The following SULF1 variants were observed in gnomAD, a reference collection of about 807,000 sequenced individuals.
SULF1 encodes the protein extracellular sulfatase Sulf-1.
Under a neutral mutation model 110.5 loss-of-function variants are expected in SULF1, and 46 were observed. The observed-to-expected ratio is 0.42, with a 90% CI of 0.33 to 0.53. SULF1 has a LOEUF of 0.53. Among genes scored for constraint, SULF1 ranks in the 20% least tolerant of loss-of-function variants. The probability of loss-of-function intolerance (pLI) is 0.12; values close to 1 mark genes in which losing one functional copy is unlikely to be tolerated. For synonymous variants in SULF1, 371 were observed against 387.1 expected (o/e 0.96, Z 0.49); for missense variants, 941 against 1,094.2 (o/e 0.86, Z 1.98).
At chr8:69,512,435 C>T (rs1811627283) in intron 3 of SULF1, among the ~76,000 whole-genome samples, 1 of 152,096 alleles carries the variant, frequency 6.6e-6, no homozygotes, top group African/African-American at 2.4e-5. Flanking sequence ...AGCCAAGGAC[C>T]ATCGGTATGA....
rs112500237 is a variant in SULF1, at chr8:69,648,910, G to A, written c.2585+8069G>A. ...CAGAAAGAAATGTGACTTGGCTTGC[G>A]ACCTGGGTATGTTCTTGAATTTGTC... is the stretch of plus-strand genomic sequence containing the variant. On this transcript the variant is annotated intron_variant, in intron 22 of 22. Coordinates refer to ENST00000402687, the MANE Select transcript of SULF1 (RefSeq NM_001128205.2). 6.7e-3 allele frequency among the ~76,000 whole-genome samples: 1,026 copies of A among 152,290 alleles called. 11 individuals are homozygous for A. Among genetic ancestry groups the A allele is most frequent in the African/African-American group, 0.024 (983 of 41,576 alleles).
chr8:69,578,748 T>A (rs73275027), intron 6 of SULF1, among the ~76,000 whole-genome samples: 14,127 of 152,146 alleles, frequency 0.093, 1,468 homozygotes, highest in African/African-American at 0.26. Flanking sequence ...ACTAAATCTG[T>A]TTCTAAACCT....
chr8:69,526,957 A>G (rs145210134), intron 3 of SULF1, among the ~76,000 whole-genome samples: 27 of 152,358 alleles, frequency 1.8e-4, no homozygotes, highest in Middle Eastern at 3.4e-3. Context: ...GATAGAAAAA[A>G]TAATAATAGA....
chr8:69,575,439 C>T, intron 5 of SULF1, among the ~76,000 whole-genome samples: 1 of 152,124 alleles, frequency 6.6e-6, no homozygotes, highest in East Asian at 1.9e-4. Context: ...TACCAACTTG[C>T]ATTGAAGATC....
intron 3 of SULF1, among the ~76,000 whole-genome samples, chr8:69,526,919 C>A (rs898278956): frequency 2.0e-5 from 3 of 151,992 alleles, no homozygotes; most frequent in Non-Finnish European, 2.9e-5. Flanking sequence ...GAGTTTCACT[C>A]GGGTTACAGG....
chr8:69,563,889 C>A, intron 4 of SULF1, 27 bp from the exon 5 acceptor site: 1 of 1,383,450 alleles, frequency 7.2e-7, no homozygotes, highest in Non-Finnish European at 1.0e-6. Context: ...TTAGTCTCAC[C>A]GTCTCCGTTT....
intron 22 of SULF1, among the ~76,000 whole-genome samples, chr8:69,651,051 C>CTTTT (rs111556401): frequency 2.2e-4 from 30 of 134,158 alleles, no homozygotes; most frequent in African/African-American, 6.0e-4. Context: ...TCTTTTTTTT[C>CTTTT]TTTTCTTTTT....
chr8:69,605,004 A>G, intron 13 of SULF1, 72 bp downstream of exon 13: 1 of 1,586,746 alleles, frequency 6.3e-7, no homozygotes, highest in South Asian at 1.1e-5. Context: ...TTGTCCACAT[A>G]TAAAAGAATG....
At chr8:69,541,753 T>A (rs1247033403) in intron 3 of SULF1, among the ~76,000 whole-genome samples, 1 of 152,210 alleles carries the variant, frequency 6.6e-6, no homozygotes, top group Non-Finnish European at 1.5e-5. Context: ...TTAAATAAGA[T>A]ATGTGGGTAT....
chr8:69,516,670 C>G (rs1365405659), intron 3 of SULF1, among the ~76,000 whole-genome samples: 2 of 152,172 alleles, frequency 1.3e-5, no homozygotes, highest in Non-Finnish European at 2.9e-5. Context: ...CAAGCTGACC[C>G]TAGATTTATT....
intron 3 of SULF1, among the ~76,000 whole-genome samples, chr8:69,557,040 C>CT (rs1815164120): frequency 1.3e-5 from 2 of 152,160 alleles, no homozygotes; most frequent in Non-Finnish European, 2.9e-5. Context: ...TCTGTTCCTA[C>CT]GTTAGTTTGC....
intron 3 of SULF1, among the ~76,000 whole-genome samples, chr8:69,503,565 T>A (rs1772743853): frequency 6.6e-6 from 1 of 152,188 alleles, no homozygotes; most frequent in African/African-American, 2.4e-5. Context: ...TGAATCAGGT[T>A]GTGAACAATT....
rs183110537 is a variant in SULF1, at chr8:69,554,898, G to A, written c.-133-8641G>A. On this transcript the variant is annotated intron_variant, in intron 3 of 22. Coordinates refer to ENST00000402687, the MANE Select transcript of SULF1 (RefSeq NM_001128205.2). ...GGAGGCTGAGGTAGGAGAATGGCGC[G>A]AACCTGGGAGGCGGAGCTTGCGGTA... Among the ~76,000 whole-genome samples, 472 of 146,184 alleles carry A rather than the reference G, an allele frequency of 3.2e-3. 3 individuals carry two copies. The highest frequency in any genetic ancestry group is 5.6e-3 in the Non-Finnish European group (380 of 67,306).
intron 5 of SULF1, among the ~76,000 whole-genome samples, chr8:69,571,486 CT>C (rs1466397187): frequency 6.6e-6 from 1 of 152,220 alleles, no homozygotes; most frequent in Non-Finnish European, 1.5e-5. Flanking sequence ...CCCTTCTCAT[CT>C]TTATCATCCT....
intron 3 of SULF1, among the ~76,000 whole-genome samples, chr8:69,542,981 C>T (rs1586353370): frequency 6.6e-6 from 1 of 152,148 alleles, no homozygotes; most frequent in Non-Finnish European, 1.5e-5. Context: ...CCAGAGGACA[C>T]CCCAACTAGT....
At chr8:69,591,636 G>A (rs568390432) in intron 8 of SULF1, among the ~76,000 whole-genome samples, 19 of 152,012 alleles carry the variant, frequency 1.2e-4, no homozygotes, top group African/African-American at 4.1e-4. Flanking sequence ...TTCATTCCAC[G>A]AATATTTATC....
chr8:69,658,667 TAGATAGAGTATTTGCACTGCTGA>T lies in SULF1; in HGVS notation c.*136_*158del, dbSNP rs768874136. 31 of 779,048 alleles carry T rather than the reference TAGATAGAGTATTTGCACTGCTGA, an allele frequency of 4.0e-5. No homozygotes were observed. Among genetic ancestry groups the T allele is most frequent in the Non-Finnish European group, 6.4e-5 (28 of 439,222 alleles). 48.3% of individuals were successfully genotyped at this position (779,048 alleles called of 1,614,324 possible). A position where few individuals can be genotyped will look rare whatever the true frequency, so the allele number is the denominator to read the frequency against. ...GACTGGACTAATTACTTGAAGGATT[TAGATAGAGTATTTGCACTGCTGA>T]AGAGTCACTATGAGCAAAATAAAAC... On this transcript the variant is annotated 3_prime_UTR_variant, in exon 23 of 23. Transcript: ENST00000402687.
At chr8:69,570,228 G>T (rs1488678492) in intron 5 of SULF1, among the ~76,000 whole-genome samples, 1 of 152,198 alleles carries the variant, frequency 6.6e-6, no homozygotes, top group Non-Finnish European at 1.5e-5. Context: ...CCACATGGAA[G>T]TATCTCTCTA....
intron 14 of SULF1, among the ~76,000 whole-genome samples, chr8:69,622,797 G>C (rs1379338022): frequency 6.6e-6 from 1 of 152,122 alleles, no homozygotes; most frequent in Non-Finnish European, 1.5e-5. Flanking sequence ...ATGGAATCTT[G>C]TGTATTTGAG....
Sources: gnomAD v4.1 joint callset for allele counts (sites outside exome capture counted in the v4.1 genomes callset) on GRCh38, gnomAD v4.1.1 for gene constraint, MANE v1.5 for transcripts, NCBI Gene and HGNC (gene_info 2026-07-23, HGNC 2026-07-21) for gene names.